The following CNTNAP2 variants were observed in gnomAD, a reference collection of about 807,000 sequenced individuals.
CNTNAP2 encodes the protein contactin associated protein 2.
CNTNAP2 carries 98 observed loss-of-function variants against 155.2 expected under a neutral mutation model. The observed-to-expected ratio is 0.63, with a 90% CI of 0.54 to 0.75. The LOEUF (loss-of-function observed/expected upper bound fraction) is 0.75. Ranked by LOEUF, CNTNAP2 falls within the 30% of genes least tolerant of loss-of-function variation. The pLI is 0.00. For synonymous variants in CNTNAP2, 651 were observed against 631.2 expected, an observed-to-expected ratio of 1.03 and a Z score of -0.47; for missense variants, 1,727 against 1,688.1, an observed-to-expected ratio of 1.02 and a Z score of -0.40.
chr7:147,980,647 G>A (rs1221826902), intron 15 of CNTNAP2, among the ~76,000 whole-genome samples: 1 of 151,946 alleles, frequency 6.6e-6, no homozygotes, highest in Non-Finnish European at 1.5e-5. Context: ...TCTCACGGCC[G>A]GGCGCGGTGG....
intron 4 of CNTNAP2, among the ~76,000 whole-genome samples, chr7:147,093,736 C>T (rs1800463948): frequency 6.6e-6 from 1 of 152,130 alleles, no homozygotes; most frequent in Non-Finnish European, 1.5e-5. Flanking sequence ...ACTCCAAAGT[C>T]TCATCTAAAT....
intron 3 of CNTNAP2, among the ~76,000 whole-genome samples, chr7:146,872,423 G>A (rs773580716): frequency 1.3e-5 from 2 of 152,088 alleles, no homozygotes; most frequent in Non-Finnish European, 2.9e-5. Flanking sequence ...TTACTATTTT[G>A]TTGTCTTGTA....
chr7:146,667,125 A>G (rs924127372), intron 1 of CNTNAP2, among the ~76,000 whole-genome samples: 3 of 152,050 alleles, frequency 2.0e-5, no homozygotes, highest in African/African-American at 7.2e-5. Context: ...CAGGTCTTAT[A>G]TCTTGGTCTT....
intron 21 of CNTNAP2, among the ~76,000 whole-genome samples, chr7:148,294,456 A>G (rs866742416): frequency 1.4e-4 from 22 of 152,390 alleles, no homozygotes; most frequent in African/African-American, 5.3e-4. Flanking sequence ...GCTCTATAAC[A>G]ATTTTGAATT....
intron 20 of CNTNAP2, among the ~76,000 whole-genome samples, chr7:148,249,532 C>T (rs1796330790): frequency 6.6e-6 from 1 of 152,170 alleles, no homozygotes; most frequent in African/African-American, 2.4e-5. Context: ...CCAAACCTCG[C>T]CATGAACTGC....
At chr7:148,130,040 C>A (rs1804799156) in intron 16 of CNTNAP2, among the ~76,000 whole-genome samples, 1 of 152,202 alleles carries the variant, frequency 6.6e-6, no homozygotes, top group Non-Finnish European at 1.5e-5. Flanking sequence ...AACTAAGGAG[C>A]CATCAGAATG....
intron 3 of CNTNAP2, among the ~76,000 whole-genome samples, chr7:146,855,626 A>G (rs1327917386): frequency 6.6e-6 from 1 of 151,860 alleles, no homozygotes; most frequent in African/African-American, 2.4e-5. Flanking sequence ...AGAAATGAGG[A>G]AACGTATATA....
chr7:147,316,876 A>G (rs966519625), intron 9 of CNTNAP2, among the ~76,000 whole-genome samples: 2 of 152,226 alleles, frequency 1.3e-5, no homozygotes, highest in African/African-American at 4.8e-5. Flanking sequence ...ATGGTATACA[A>G]AAAGGTTAAT....
intron 1 of CNTNAP2, among the ~76,000 whole-genome samples, chr7:146,492,918 T>A (rs1797161246): frequency 6.6e-6 from 1 of 152,202 alleles, no homozygotes; most frequent in Non-Finnish European, 1.5e-5. Context: ...TGAAGTAGTC[T>A]ACAAATATTT....
chr7:147,047,031 CAA>C lies in CNTNAP2; in HGVS notation c.550+2995_550+2996del, dbSNP rs1230362426. Reference sequence around the variant, plus strand: ...TGGGCGACAGAGCCAGACTCCGTGTCAAAAAAAAAAAAAAAAAAAGTGTAGCC... The same window carrying C: ...TGGGCGACAGAGCCAGACTCCGTGTCAAAAAAAAAAAAAAAAAGTGTAGCC... On this transcript the variant is annotated intron_variant, in intron 4 of 23. Transcript: ENST00000361727. 6.9e-3 allele frequency among the ~76,000 whole-genome samples: 343 copies of C among 49,862 alleles called. 4 individuals carry two copies. The highest frequency in any genetic ancestry group is 0.02 in the African/African-American group (315 of 15,388). 32.7% of individuals were successfully genotyped at this position (49,862 alleles called of 152,430 possible).
At chr7:146,153,294 A>G (rs1047544450) in intron 1 of CNTNAP2, among the ~76,000 whole-genome samples, 3 of 152,178 alleles carry the variant, frequency 2.0e-5, no homozygotes, top group African/African-American at 7.2e-5. Flanking sequence ...TTCCAACCAG[A>G]GCTATGTTGA....
intron 11 of CNTNAP2, among the ~76,000 whole-genome samples, chr7:147,539,844 C>T (rs1447323880): frequency 1.3e-5 from 2 of 152,184 alleles, no homozygotes; most frequent in Non-Finnish European, 2.9e-5. Flanking sequence ...AATGAGGATA[C>T]TGACTTCTAC....
intron 20 of CNTNAP2, among the ~76,000 whole-genome samples, chr7:148,251,247 A>T (rs1284408298): frequency 6.6e-6 from 1 of 152,206 alleles, no homozygotes; most frequent in African/African-American, 2.4e-5. Flanking sequence ...ATAATTTGCT[A>T]GAATGATTTG....
intron 11 of CNTNAP2, among the ~76,000 whole-genome samples, chr7:147,507,896 G>A (rs1798940713): frequency 6.6e-6 from 1 of 152,002 alleles, no homozygotes; most frequent in Non-Finnish European, 1.5e-5. Context: ...CTGTAACTCA[G>A]CAGCTCTTCA....
At chr7:148,141,328 A>G (rs1036323054) in intron 16 of CNTNAP2, among the ~76,000 whole-genome samples, 13 of 152,240 alleles carry the variant, frequency 8.5e-5, no homozygotes, top group Non-Finnish European at 1.8e-4. Flanking sequence ...TTTGAAAATA[A>G]CGTTTAGCTA....
At chr7:146,408,176 T>A (rs1473238822) in intron 1 of CNTNAP2, among the ~76,000 whole-genome samples, 1 of 152,132 alleles carries the variant, frequency 6.6e-6, no homozygotes, top group Non-Finnish European at 1.5e-5. Flanking sequence ...CTAAAATAGA[T>A]GAATAAAAAG....
chr7:146,426,252 A>AC, intron 1 of CNTNAP2, among the ~76,000 whole-genome samples: 1 of 150,494 alleles, frequency 6.6e-6, no homozygotes, highest in African/African-American at 2.4e-5. Context: ...TTATACAAGT[A>AC]CCCACTGCAG....
At chr7:147,949,603 C>T (rs1239071932) in intron 14 of CNTNAP2, among the ~76,000 whole-genome samples, 2 of 151,924 alleles carry the variant, frequency 1.3e-5, no homozygotes, top group African/African-American at 2.4e-5. Context: ...CCGGAATGAG[C>T]GAATTCAAAA....
intron 8 of CNTNAP2, among the ~76,000 whole-genome samples, chr7:147,243,099 G>GTGATTCCC (rs1176401084): frequency 7.2e-6 from 1 of 138,738 alleles, no homozygotes; most frequent in East Asian, 2.2e-4. Context: ...CTGGTTTCAA[G>GTGATTCCC]TGATTCCCGT....
Sources: gnomAD v4.1 joint callset for allele counts (sites outside exome capture counted in the v4.1 genomes callset) on GRCh38, gnomAD v4.1.1 for gene constraint, MANE v1.5 for transcripts, NCBI Gene and HGNC (gene_info 2026-07-23, HGNC 2026-07-21) for gene names.